NRARP: variants seen among roughly 807,000 people sequenced by gnomAD.
NRARP encodes the protein notch-regulated ankyrin repeat-containing protein.
For missense variants in NRARP, 83 were observed against 161.1 expected (o/e 0.52, Z 2.62); for synonymous variants, 81 against 77.4 (o/e 1.05, Z -0.25).
rs1435734021 is a variant in NRARP, at chr9:137,301,519, G to GT, written c.*64dup. ...TGCGAGCCGGGCGCGCACCGAGGTA[G>GT]TTGGCGGGAAGGTACAGCAGAGACG... On this transcript the variant is annotated 3_prime_UTR_variant, in exon 1 of 1. Transcript: ENST00000356628. This position sits in a 1 kb window ranked among gnomAD's most constrained non-coding sequence, Gnocchi z 9.1. 1.1e-5 allele frequency: 13 copies of GT among 1,143,854 alleles called. No individual in the cohort carries two copies. In the East Asian group the frequency reaches 3.0e-4, roughly 26 times the overall value. 70.9% of individuals were successfully genotyped at this position (1,143,854 alleles called of 1,614,324 possible). A position where few individuals can be genotyped will look rare whatever the true frequency, so the allele number is the denominator to read the frequency against.
rs148042598 is a variant in NRARP at position 137,301,752 on chromosome 9, G to A, written c.177C>T (p.Val59=). ...PEGQTALHQS[V]IDGNLELVKL... is the part of the protein sequence containing the mutation. ...TCACGAGCTCCAGGTTGCCGTCGAT[G>A]ACCGACTGGTGCAGCGCCGTCTGGC... is the stretch of plus-strand genomic sequence containing the variant. Residue 59 remains valine (V), a synonymous_variant, in exon 1 of 1, where the codon GTC becomes GTT. Transcript: ENST00000356628. The surrounding 1 kb of genome is among the most constrained non-coding windows in gnomAD (Gnocchi z 9.1). 8.1e-6 allele frequency: 13 copies of A among 1,610,850 alleles called. No homozygotes were observed. In the African/African-American group the frequency reaches 1.7e-4, roughly 22 times the overall value.
Position 137,301,638 on chromosome 9 carries a change from C to G in NRARP, c.291G>C (p.Gln97His). 6.2e-7 allele frequency: 1 copy of G among 1,610,034 alleles called. No individual in the cohort carries two copies. The highest frequency in any genetic ancestry group is 8.5e-7 in the Non-Finnish European group (1 of 1,178,368). The change falls in exon 1 of 1, where the codon CAG becomes CAC. Residue 97 changes from glutamine to histidine, a missense_variant. Coordinates refer to ENST00000356628, the MANE Select transcript of NRARP (RefSeq NM_001004354.3). This position sits in a 1 kb window ranked among gnomAD's most constrained non-coding sequence, Gnocchi z 9.1. ...TGGTGATGAGATAGAGCACGATGTC[C>G]TGGTGGCCACCGAACGCGGCGATGT... ...ALHIAAFGGH[Q>H]DIVLYLITKA...
chr9:137,301,842 C>T lies in NRARP; in HGVS notation c.87G>A (p.Glu29=), dbSNP rs146339832. 255 of 1,599,772 alleles carry T rather than the reference C, an allele frequency of 1.6e-4. 1 individual carries two copies. The highest frequency in any genetic ancestry group is 2.0e-4 in the Non-Finnish European group (238 of 1,178,284). The change falls in exon 1 of 1, where the codon GAG becomes GAA. Residue 29 remains glutamate (E), a synonymous_variant. Transcript: ENST00000356628. The surrounding 1 kb of genome is among the most constrained non-coding windows in gnomAD (Gnocchi z 9.1). ...TCATGTTCTGCAGCAGCGACTGCAG[C>T]TCCTGCGTGTTGCCCTTGCGCACAG... ...QEAVRKGNTQ[E]LQSLLQNMTN...
chr9:137,301,860 G>A lies in NRARP; in HGVS notation c.69C>T (p.Arg23=). ...QTQRIFQEAV[R]KGNTQELQSL... Reference sequence around the variant, plus strand: ...ACTGCAGCTCCTGCGTGTTGCCCTTGCGCACAGCCTCCTGGAAGATGCGCT... The same window carrying A: ...ACTGCAGCTCCTGCGTGTTGCCCTTACGCACAGCCTCCTGGAAGATGCGCT... Residue 23 remains arginine (R), a synonymous_variant, in exon 1 of 1, where the codon CGC becomes CGT. Transcript: ENST00000356628. The surrounding 1 kb of genome is among the most constrained non-coding windows in gnomAD (Gnocchi z 9.1). 6.3e-7 allele frequency: 1 copy of A among 1,593,310 alleles called. No individual in the cohort carries two copies. Among genetic ancestry groups the A allele is most frequent in the Non-Finnish European group, 8.5e-7 (1 of 1,174,730 alleles).
rs556412578 is a variant in NRARP, at chr9:137,299,785, C to T, written c.*1799G>A. Among the ~76,000 whole-genome samples the T allele has an allele frequency of 2.0e-5, 3 of 151,950 alleles. No homozygotes were observed. Among genetic ancestry groups the T allele is most frequent in the Non-Finnish European group, 2.9e-5 (2 of 68,002 alleles). On this transcript the variant is annotated 3_prime_UTR_variant, in exon 1 of 1. Transcript: ENST00000356628. ...TCACCCCGTGACCCACACACAGCTTCGATATAAGCCTAGAAAGTCTTAACA... is the reference window on the plus strand; with the variant it reads ...TCACCCCGTGACCCACACACAGCTTTGATATAAGCCTAGAAAGTCTTAACA...
At position 137,301,549 on chromosome 9, in the gene NRARP, G is replaced by A; in HGVS notation, c.*35C>T. 3 of 1,447,920 alleles carry A rather than the reference G, an allele frequency of 2.1e-6. No individual in the cohort carries two copies. The highest frequency in any genetic ancestry group is 1.9e-6 in the Non-Finnish European group (2 of 1,063,198). 89.7% of individuals were successfully genotyped at this position (1,447,920 alleles called of 1,614,324 possible). On this transcript the variant is annotated 3_prime_UTR_variant, in exon 1 of 1. Transcript: ENST00000356628. The surrounding 1 kb of genome is among the most constrained non-coding windows in gnomAD (Gnocchi z 9.1). ...CGGGAAGGTACAGCAGAGACGACGC[G>A]GGCGCAGGGCCGGGGTCCGGGGTCC...
Position 137,301,836 on chromosome 9 carries a change from C to T in NRARP, c.93G>A (p.Gln31=), listed in dbSNP as rs142806307. 92 of 1,600,878 alleles carry T rather than the reference C, an allele frequency of 5.7e-5. No individual in the cohort carries two copies. Among genetic ancestry groups the T allele is most frequent in the Non-Finnish European group, 7.6e-5 (89 of 1,178,688 alleles). Residue 31 remains glutamine, a synonymous_variant, in exon 1 of 1, where the codon CAG becomes CAA. Transcript: ENST00000356628. This position sits in a 1 kb window ranked among gnomAD's most constrained non-coding sequence, Gnocchi z 9.1. ...AVRKGNTQEL[Q]SLLQNMTNCE... ...AGTTGGTCATGTTCTGCAGCAGCGA[C>T]TGCAGCTCCTGCGTGTTGCCCTTGC... is the stretch of plus-strand genomic sequence containing the variant.
At position 137,301,374 on chromosome 9, in the gene NRARP, C is replaced by T. The variant is rs1830952773; in HGVS notation, c.*210G>A. On this transcript the variant is annotated 3_prime_UTR_variant, in exon 1 of 1. Coordinates refer to ENST00000356628, the MANE Select transcript of NRARP (RefSeq NM_001004354.3). The surrounding 1 kb of genome is among the most constrained non-coding windows in gnomAD (Gnocchi z 9.1). ...AGCGGGTGGGGGCCGTGGGAAGCTG[C>T]TCCGGCCCGGCCGGGCCCGGCTAGG... 4.3e-6 allele frequency: 1 copy of T among 230,626 alleles called. No homozygotes were observed. Among genetic ancestry groups the T allele is most frequent in the Admixed American group, 5.7e-5 (1 of 17,472 alleles). 14.3% of individuals were successfully genotyped at this position (230,626 alleles called of 1,614,324 possible).
chr9:137,299,972 C>G lies in NRARP; in HGVS notation c.*1612G>C, dbSNP rs1011989413. On this transcript the variant is annotated 3_prime_UTR_variant, in exon 1 of 1. Transcript: ENST00000356628. ...TTATAAAAAGCGACGGAGGGCTGCC[C>G]GAATACGACCAGCCACGCACAAAGG... Among the ~76,000 whole-genome samples the G allele has an allele frequency of 1.3e-5, 2 of 152,118 alleles. No individual in the cohort carries two copies. The highest frequency in any genetic ancestry group is 2.4e-5 in the African/African-American group (1 of 41,418).
Position 137,301,971 on chromosome 9 carries a change from G to A in NRARP, c.-43C>T. On this transcript the variant is annotated 5_prime_UTR_variant, in exon 1 of 1. Coordinates refer to ENST00000356628, the MANE Select transcript of NRARP (RefSeq NM_001004354.3). The surrounding 1 kb of genome is among the most constrained non-coding windows in gnomAD (Gnocchi z 9.1). ...GCCGCGGGCCGGGCCGGGGCTCAGC[G>A]CGGGCGGCGGCTGCGGCGCGGGCCC... The A allele has an allele frequency of 2.1e-6, 2 of 940,972 alleles. No homozygotes were observed. The highest frequency in any genetic ancestry group is 2.6e-6 in the Non-Finnish European group (2 of 780,680). 58.3% of individuals were successfully genotyped at this position (940,972 alleles called of 1,614,324 possible). A position where few individuals can be genotyped will look rare whatever the true frequency, so the allele number is the denominator to read the frequency against.
chr9:137,302,075 G>A lies in NRARP; in HGVS notation c.-147C>T, dbSNP rs1343922588. 2 of 169,426 alleles carry A rather than the reference G, an allele frequency of 1.2e-5. No individual in the cohort carries two copies. Among genetic ancestry groups the A allele is most frequent in the African/African-American group, 4.9e-5 (2 of 41,084 alleles). 10.5% of individuals were successfully genotyped at this position (169,426 alleles called of 1,614,324 possible). A position where few individuals can be genotyped will look rare whatever the true frequency, so the allele number is the denominator to read the frequency against. ...CCGCACGCCGCCTCTGGGCGCTCCG[G>A]GCGCTCGGGGCCGGGGGTCGCCGCC... On this transcript the variant is annotated 5_prime_UTR_variant, in exon 1 of 1. Transcript: ENST00000356628. The surrounding 1 kb of genome is among the most constrained non-coding windows in gnomAD (Gnocchi z 4.8).
chr9:137,301,771 G>A lies in NRARP; in HGVS notation c.158C>T (p.Thr53Met). 6.2e-7 allele frequency: 1 copy of A among 1,610,066 alleles called. No homozygotes were observed. Among genetic ancestry groups the A allele is most frequent in the South Asian group, 1.1e-5 (1 of 91,032 alleles). The change falls in exon 1 of 1, where the codon ACG (threonine) becomes ATG (methionine). Residue 53 changes from threonine (T) to methionine (M), a missense_variant. Transcript: ENST00000356628. This position sits in a 1 kb window ranked among gnomAD's most constrained non-coding sequence, Gnocchi z 9.1. ...NVNSFGPEGQ[T>M]ALHQSVIDGN... is the part of the protein sequence containing the mutation. Reference sequence around the variant, plus strand: ...GTCGATGACCGACTGGTGCAGCGCCGTCTGGCCCTCGGGCCCGAACGAGTT... The same window carrying A: ...GTCGATGACCGACTGGTGCAGCGCCATCTGGCCCTCGGGCCCGAACGAGTT...
chr9:137,302,250 C>T lies in NRARP; in HGVS notation c.-322G>A, dbSNP rs1403889534. The stretch of plus-strand genomic sequence containing the variant: ...GCGGCTCCCACGCGGTCCCAAGGCG[C>T]CTCCCCACGCGCCGCAGCACTAGCT... On this transcript the variant is annotated 5_prime_UTR_variant, in exon 1 of 1. Coordinates refer to ENST00000356628, the MANE Select transcript of NRARP (RefSeq NM_001004354.3). This position sits in a 1 kb window ranked among gnomAD's most constrained non-coding sequence, Gnocchi z 4.8. The T allele has an allele frequency of 6.8e-6, 1 of 146,606 alleles. No homozygotes were observed. The highest frequency in any genetic ancestry group is 1.5e-5 in the Non-Finnish European group (1 of 65,878). The allele number at this position is 146,606 out of a possible 1,614,324, so 9.1% of individuals were successfully genotyped here.
In NRARP at chr9:137,301,451, C is replaced by T. The variant is rs1588202383; in HGVS notation, c.*133G>A. On this transcript the variant is annotated 3_prime_UTR_variant, in exon 1 of 1. Transcript: ENST00000356628. The surrounding 1 kb of genome is among the most constrained non-coding windows in gnomAD (Gnocchi z 9.1). Reference sequence around the variant, plus strand: ...GCTGCCGGACCCTGGGGCCGGGACGCACGCGCCGTATTCGCCGTGGCCACG... The same window carrying T: ...GCTGCCGGACCCTGGGGCCGGGACGTACGCGCCGTATTCGCCGTGGCCACG... The T allele has an allele frequency of 5.4e-6, 3 of 558,154 alleles. No individual in the cohort carries two copies. Among genetic ancestry groups the T allele is most frequent in the East Asian group, 7.2e-5 (2 of 27,902 alleles). The allele number at this position is 558,154 out of a possible 1,614,324, so 34.6% of individuals were successfully genotyped here. A position where few individuals can be genotyped will look rare whatever the true frequency, so the allele number is the denominator to read the frequency against.
rs1041397410 is a variant in NRARP at position 137,301,632 on chromosome 9, G to T, written c.297C>A (p.Ile99=). 1 of 1,609,256 alleles carries T rather than the reference G, an allele frequency of 6.2e-7. No homozygotes were observed. Among genetic ancestry groups the T allele is most frequent in the Non-Finnish European group, 8.5e-7 (1 of 1,177,862 alleles). ...HIAAFGGHQD[I]VLYLITKAKY... ...TCGCCTTGGTGATGAGATAGAGCAC[G>T]ATGTCCTGGTGGCCACCGAACGCGG... The change falls in exon 1 of 1, where the codon ATC becomes ATA. Residue 99 remains isoleucine (I), a synonymous_variant. Transcript: ENST00000356628. The surrounding 1 kb of genome is among the most constrained non-coding windows in gnomAD (Gnocchi z 9.1).
In NRARP at chr9:137,300,943, A is replaced by G. The variant is rs1267232495; in HGVS notation, c.*641T>C. 1 of 152,372 alleles carries G rather than the reference A, an allele frequency of 6.6e-6. No homozygotes were observed. The highest frequency in any genetic ancestry group is 1.9e-4 in the East Asian group (1 of 5,198). 9.4% of individuals were successfully genotyped at this position (152,372 alleles called of 1,614,324 possible). On this transcript the variant is annotated 3_prime_UTR_variant, in exon 1 of 1. Transcript: ENST00000356628. ...AGAAAAAAATGCATCACTCCCCCCC[A>G]TAACCACATTGACCACGCAGTGTTT...
Position 137,300,198 on chromosome 9 carries a change from T to A in NRARP, c.*1386A>T, listed in dbSNP as rs1157553169. ...GAAGGGCGCCTTTCAGGACAGAAAG[T>A]GACGCAGGAGAACCTCCCCGGGCCC... On this transcript the variant is annotated 3_prime_UTR_variant, in exon 1 of 1. Transcript: ENST00000356628. Among the ~76,000 whole-genome samples the A allele has an allele frequency of 1.3e-5, 2 of 152,020 alleles. No homozygotes were observed. The highest frequency in any genetic ancestry group is 2.9e-5 in the Non-Finnish European group (2 of 68,002).
Position 137,299,877 on chromosome 9 carries a change from A to C in NRARP, c.*1707T>G, listed in dbSNP as rs944095066. 6.6e-6 allele frequency among the ~76,000 whole-genome samples: 1 copy of C among 152,254 alleles called. No individual in the cohort carries two copies. Among genetic ancestry groups the C allele is most frequent in the Non-Finnish European group, 1.5e-5 (1 of 68,048 alleles). On this transcript the variant is annotated 3_prime_UTR_variant, in exon 1 of 1. Transcript: ENST00000356628. ...TATACAGAAGAACTCCTTGTGGAGT[A>C]ATCTGTGCCTCCATTTCAATGTCTG...
rs988967331 is a variant in NRARP at position 137,301,425 on chromosome 9, G to C, written c.*159C>G. 4.8e-6 allele frequency: 2 copies of C among 416,578 alleles called. No individual in the cohort carries two copies. Among genetic ancestry groups the C allele is most frequent in the Non-Finnish European group, 8.1e-6 (2 of 247,042 alleles). 25.8% of individuals were successfully genotyped at this position (416,578 alleles called of 1,614,324 possible). On this transcript the variant is annotated 3_prime_UTR_variant, in exon 1 of 1. Coordinates refer to ENST00000356628, the MANE Select transcript of NRARP (RefSeq NM_001004354.3). The surrounding 1 kb of genome is among the most constrained non-coding windows in gnomAD (Gnocchi z 9.1). The stretch of plus-strand genomic sequence containing the variant: ...CCGCAGGGAGGCGCTCGGCCGGCGG[G>C]GCTGCCGGACCCTGGGGCCGGGACG...
Sources: allele counts gnomAD v4.1 joint callset (sites outside exome capture counted in the v4.1 genomes callset), GRCh38; gene constraint gnomAD v4.1.1; non-coding constraint Gnocchi (gnomAD v3.1); transcripts MANE v1.5; gene names NCBI Gene and HGNC (gene_info 2026-07-23, HGNC 2026-07-21).